The following ANO10 variants were observed in gnomAD, a reference collection of about 807,000 sequenced individuals.
ANO10 encodes the protein anoctamin 10, also known as anoctamin-10.
A neutral mutation model predicts 74.7 loss-of-function variants in ANO10; 77 were observed. The ratio of observed to expected loss-of-function variants is 1.03; its 90% confidence interval spans 0.86 to 1.25. The LOEUF (loss-of-function observed/expected upper bound fraction) is 1.25. Among genes scored for constraint, ANO10 ranks in the 50% most tolerant of loss-of-function variants. ANO10 has a pLI of 0.00. For missense variants in ANO10, 721 were observed against 778.1 expected, an observed-to-expected ratio of 0.93 and a Z score of 0.87; for synonymous variants, 279 against 284.9, an observed-to-expected ratio of 0.98 and a Z score of 0.21.
At chr3:43,532,313 G>A (rs2078507457) in intron 11 of ANO10, among the ~76,000 whole-genome samples, 3 of 152,130 alleles carry the variant, frequency 2.0e-5, no homozygotes, top group African/African-American at 7.2e-5. Context: ...GGGAGAAAAA[G>A]CCATCATCGC....
upstream of ANO10, among the ~76,000 whole-genome samples, chr3:43,626,975 CA>C (rs2083498501): frequency 8.1e-6 from 1 of 122,752 alleles, no homozygotes; most frequent in African/African-American, 3.1e-5. Context: ...CCTACAATAG[CA>C]GCCATTGAAG....
Position 43,381,021 on chromosome 3 carries a change from G to A in ANO10, c.1915-14047C>T, listed in dbSNP as rs544181119. ...TCACATGGTGGCAGGAGAGAGAAGC[G>A]CCGAGCAAAGGGGTACAAGCCCCTT... is the stretch of plus-strand genomic sequence containing the variant. On this transcript the variant is annotated intron_variant, in intron 12 of 12. Coordinates refer to ENST00000292246, the MANE Select transcript of ANO10 (RefSeq NM_018075.5). Among the ~76,000 whole-genome samples, 5 of 152,236 alleles carry A rather than the reference G, an allele frequency of 3.3e-5. 1 individual carries two copies. The highest frequency in any genetic ancestry group is 4.1e-4 in the South Asian group (2 of 4,824).
intron 8 of ANO10, among the ~76,000 whole-genome samples, chr3:43,564,467 C>T (rs2080210667): frequency 6.6e-6 from 1 of 151,934 alleles, no homozygotes; most frequent in South Asian, 2.1e-4. Context: ...AAAACCACTG[C>T]TACTTCTTGG....
intron 12 of ANO10, among the ~76,000 whole-genome samples, chr3:43,398,149 T>C (rs1017561446): frequency 6.6e-6 from 1 of 152,218 alleles, no homozygotes; most frequent in Non-Finnish European, 1.5e-5. Context: ...TTGTCTCCCA[T>C]ATAATAAGGT....
intron 11 of ANO10, among the ~76,000 whole-genome samples, chr3:43,524,810 A>G (rs1171398545): frequency 1.3e-5 from 2 of 152,096 alleles, no homozygotes; most frequent in Non-Finnish European, 2.9e-5. Flanking sequence ...GTCACTCATG[A>G]TATTTCCTCT....
intron 12 of ANO10, 40 bp downstream of exon 12, chr3:43,432,571 G>A: frequency 6.2e-6 from 9 of 1,450,158 alleles, no homozygotes; most frequent in African/African-American, 1.4e-5. Flanking sequence ...CCTGTCATTT[G>A]CTAAAGCAAT....
chr3:43,449,235 C>G (rs924359550), intron 11 of ANO10, among the ~76,000 whole-genome samples: 6 of 152,102 alleles, frequency 3.9e-5, no homozygotes, highest in African/African-American at 1.4e-4. Flanking sequence ...GGATACAAAT[C>G]CTTTATCATT....
intron 11 of ANO10, among the ~76,000 whole-genome samples, chr3:43,538,701 G>A (rs2078825412): frequency 6.6e-6 from 1 of 152,170 alleles, no homozygotes; most frequent in Non-Finnish European, 1.5e-5. Context: ...GAGGGTGGTT[G>A]GACCAGAGAC....
intron 12 of ANO10, among the ~76,000 whole-genome samples, chr3:43,430,524 A>G (rs1223442285): frequency 6.6e-6 from 1 of 151,914 alleles, no homozygotes; most frequent in African/African-American, 2.4e-5. Flanking sequence ...TTGCCATCAA[A>G]CTGTGTAACA....
intron 6 of ANO10, among the ~76,000 whole-genome samples, chr3:43,575,346 A>G (rs1352617251): frequency 6.6e-6 from 1 of 152,226 alleles, no homozygotes; most frequent in Non-Finnish European, 1.5e-5. Flanking sequence ...AAACAGCAAG[A>G]TAAAATGACA....
intron 2 of ANO10, among the ~76,000 whole-genome samples, chr3:43,602,527 G>A (rs1575526285): frequency 6.6e-6 from 1 of 152,074 alleles, no homozygotes; most frequent in African/African-American, 2.4e-5. Context: ...GTAGAGATGG[G>A]GTTTCACTGT....
At chr3:43,573,921 A>G (rs112571245) in intron 7 of ANO10, among the ~76,000 whole-genome samples, 2 of 152,182 alleles carry the variant, frequency 1.3e-5, no homozygotes, top group Admixed American at 6.5e-5. Flanking sequence ...GAATAGAAAC[A>G]TATCTAAAAA....
intron 11 of ANO10, among the ~76,000 whole-genome samples, chr3:43,481,960 C>T (rs1285508451): frequency 7.4e-6 from 1 of 135,782 alleles, no homozygotes; most frequent in Admixed American, 7.9e-5. Context: ...CAGAGTCTTG[C>T]TCTTGTCACC....
intron 11 of ANO10, among the ~76,000 whole-genome samples, chr3:43,448,860 TC>T (rs1264251833): frequency 9.5e-6 from 1 of 105,454 alleles, no homozygotes; most frequent in Admixed American, 1.1e-4. Flanking sequence ...TTTCTTTCTT[TC>T]TTTCTTTCTT....
intron 12 of ANO10, among the ~76,000 whole-genome samples, chr3:43,368,817 G>A (rs1187478315): frequency 2.0e-5 from 3 of 152,082 alleles, no homozygotes; most frequent in African/African-American, 7.2e-5. Context: ...AAGTAGCTGG[G>A]ACTACGGGCA....
At chr3:43,467,009 T>C (rs1482340433) in intron 11 of ANO10, among the ~76,000 whole-genome samples, 1 of 152,180 alleles carries the variant, frequency 6.6e-6, no homozygotes, top group Non-Finnish European at 1.5e-5. Context: ...ACATCATTAG[T>C]TGCCAGGGAA....
At chr3:43,476,975 C>A (rs4618196) in intron 11 of ANO10, among the ~76,000 whole-genome samples, 149,406 of 152,308 alleles carry the variant, frequency 0.98, 73,347 homozygotes, top group East Asian at 1. Context: ...TTTTCTTTTA[C>A]CATGGGTAAA....
chr3:43,368,288 TG>T (rs1179164743), intron 12 of ANO10, among the ~76,000 whole-genome samples: 2 of 151,962 alleles, frequency 1.3e-5, no homozygotes, highest in Non-Finnish European at 2.9e-5. Flanking sequence ...TTACCTGCGG[TG>T]GGGGTAAGAG....
rs570944040 is a variant in ANO10 at position 43,527,794 on chromosome 3, G to C, written c.1797+21926C>G. On this transcript the variant is annotated intron_variant, in intron 11 of 12. Transcript: ENST00000292246. Reference sequence around the variant, plus strand: ...ACAGATAAAATCACCCCCAGAAAAAGAAATTTTCACTAAGAAAAGGTCTGT... The same window carrying C: ...ACAGATAAAATCACCCCCAGAAAAACAAATTTTCACTAAGAAAAGGTCTGT... Among the ~76,000 whole-genome samples, 28 of 152,222 alleles carry C rather than the reference G, an allele frequency of 1.8e-4. No individual in the cohort carries two copies. The South Asian group carries it at 5.6e-3, about 30-fold the overall frequency.
Sources: gnomAD v4.1 joint callset for allele counts (sites outside exome capture counted in the v4.1 genomes callset) on GRCh38, gnomAD v4.1.1 for gene constraint, MANE v1.5 for transcripts, NCBI Gene and HGNC (gene_info 2026-07-23, HGNC 2026-07-21) for gene names.